Variants in RGS22 observed in about 807,000 individuals in gnomAD.
RGS22 encodes regulator of G-protein signaling 22.
RGS22 carries 148 observed loss-of-function variants against 172.9 expected under a neutral mutation model. The ratio of observed to expected loss-of-function variants is 0.86; its 90% CI spans 0.75 to 0.98. The LOEUF (loss-of-function observed/expected upper bound fraction) is 0.98. RGS22 is among the 50% of genes least tolerant of loss of function. The pLI is 0.00. For missense variants in RGS22, 1,347 were observed against 1,440.8 expected (o/e 0.93, Z 1.05); for synonymous variants, 458 against 480.2 (o/e 0.95, Z 0.60).
chr8:99,980,191 A>G (rs986866287), intron 22 of RGS22, among the ~76,000 whole-genome samples: 2 of 152,144 alleles, frequency 1.3e-5, no homozygotes, highest in African/African-American at 4.8e-5. Flanking sequence ...TGGCCTTCCA[A>G]AGTGCTGGGA....
intron 14 of RGS22, among the ~76,000 whole-genome samples, chr8:100,035,786 G>T (rs1485441434): frequency 1.3e-5 from 2 of 152,126 alleles, no homozygotes; most frequent in Non-Finnish European, 2.9e-5. Context: ...CCATAAAAAA[G>T]GATGAGTTCA....
intron 23 of RGS22, among the ~76,000 whole-genome samples, chr8:99,974,334 C>CAA (rs1417693043): frequency 1.3e-5 from 2 of 152,052 alleles, no homozygotes; most frequent in Non-Finnish European, 2.9e-5. Context: ...GCATAAGCAA[C>CAA]AGTGAGATAG....
intron 2 of RGS22, among the ~76,000 whole-genome samples, chr8:100,095,060 T>A (rs1216326113): frequency 6.6e-6 from 1 of 152,242 alleles, no homozygotes; most frequent in Non-Finnish European, 1.5e-5. Context: ...TGGACGTAAG[T>A]ATTGCCTAGA....
intron 3 of RGS22, among the ~76,000 whole-genome samples, chr8:100,081,362 G>GTATATA (rs71274952): frequency 0.24 from 33,775 of 143,224 alleles, 4,157 homozygotes; most frequent in East Asian, 0.4. Context: ...GTGCGTGTAT[G>GTATATA]TATATATATA....
chr8:100,077,811 C>T (rs1044428937), intron 4 of RGS22, among the ~76,000 whole-genome samples: 1 of 152,158 alleles, frequency 6.6e-6, no homozygotes, highest in Non-Finnish European at 1.5e-5. Context: ...ACTGAGAGAG[C>T]AGTGCTTTAG....
chr8:99,993,657 T>A (rs181965433), intron 20 of RGS22, among the ~76,000 whole-genome samples: 57 of 152,194 alleles, frequency 3.7e-4, no homozygotes, highest in African/African-American at 1.3e-3. Flanking sequence ...CAGGACAAGA[T>A]GGATTCACAG....
At position 100,070,383 on chromosome 8, in the gene RGS22, G is replaced by A. The variant is rs368568025; in HGVS notation, c.594+986C>T. Among the ~76,000 whole-genome samples the A allele has an allele frequency of 3.5e-3, 536 of 152,156 alleles. 2 individuals carry two copies. The highest frequency in any genetic ancestry group is 0.012 in the African/African-American group (484 of 41,534). On this transcript the variant is annotated intron_variant, in intron 6 of 27. Coordinates refer to ENST00000360863, the MANE Select transcript of RGS22 (RefSeq NM_015668.5). ...GATCTTTGAGTATGAAAAATATAACGAAAAAGCCTAATTTCAAAAAACTAT... is the reference window on the plus strand; with the variant it reads ...GATCTTTGAGTATGAAAAATATAACAAAAAAGCCTAATTTCAAAAAACTAT...
At chr8:100,021,559 T>A (rs182713052) in intron 14 of RGS22, among the ~76,000 whole-genome samples, 2 of 152,288 alleles carry the variant, frequency 1.3e-5, no homozygotes, top group East Asian at 3.9e-4. Flanking sequence ...TGGATCTTGA[T>A]TCAGTGTCTG....
At chr8:100,064,575 G>A (rs1021222384) in intron 7 of RGS22, among the ~76,000 whole-genome samples, 2 of 152,162 alleles carry the variant, frequency 1.3e-5, no homozygotes, top group African/African-American at 2.4e-5. Context: ...CCCTGGATTT[G>A]GAGGAAAAGA....
intron 2 of RGS22, among the ~76,000 whole-genome samples, chr8:100,101,358 C>T (rs550650275): frequency 4.6e-5 from 7 of 150,672 alleles, no homozygotes; most frequent in African/African-American, 1.7e-4. Context: ...GTGATCTCAG[C>T]TCGCTGCAAC....
At chr8:100,027,236 CA>C (rs1227050999) in intron 14 of RGS22, among the ~76,000 whole-genome samples, 15 of 145,000 alleles carry the variant, frequency 1.0e-4, no homozygotes, top group South Asian at 2.2e-4. Flanking sequence ...GACCTTGTCT[CA>C]AAAAAAAAAG....
intron 22 of RGS22, among the ~76,000 whole-genome samples, chr8:99,978,474 A>C (rs1169294942): frequency 6.6e-6 from 1 of 152,190 alleles, no homozygotes; most frequent in African/African-American, 2.4e-5. Context: ...TTCATCAAGG[A>C]AACTCCCTCC....
chr8:100,067,455 G>T (rs903701799), intron 6 of RGS22, among the ~76,000 whole-genome samples: 1 of 152,008 alleles, frequency 6.6e-6, no homozygotes, highest in African/African-American at 2.4e-5. Context: ...AATAGCCTAA[G>T]CAGGAGGCCA....
In RGS22 at chr8:100,069,195, T is replaced by C. The variant is rs567329852; in HGVS notation, c.594+2174A>G. 5.3e-5 allele frequency among the ~76,000 whole-genome samples: 8 copies of C among 152,340 alleles called. No homozygotes were observed. The South Asian group carries it at 1.7e-3, about 32-fold the overall frequency. ...AAAGAGGCTTCCTCTTGTATGATAA[T>C]TTTGATCAACTGAAAGTGCCTTATT... On this transcript the variant is annotated intron_variant, in intron 6 of 27. Transcript: ENST00000360863.
At chr8:100,105,772 C>T in intron 1 of RGS22, 125 bp downstream of exon 1, 1 of 860,438 alleles carries the variant, frequency 1.2e-6, no homozygotes. Context: ...CAGTGAAGCC[C>T]TTTTTTCTCA....
At chr8:100,058,225 C>A (rs1809811110) in intron 9 of RGS22, among the ~76,000 whole-genome samples, 2 of 149,152 alleles carry the variant, frequency 1.3e-5, no homozygotes, top group South Asian at 4.2e-4. Flanking sequence ...CTCAAAAGGG[C>A]AAATCTAAGA....
At chr8:100,084,311 C>T (rs900985393) in intron 3 of RGS22, among the ~76,000 whole-genome samples, 2 of 152,156 alleles carry the variant, frequency 1.3e-5, no homozygotes, top group East Asian at 1.9e-4. Flanking sequence ...TACAAAAATA[C>T]TTGAATTCTG....
intron 14 of RGS22, among the ~76,000 whole-genome samples, chr8:100,028,922 A>T (rs1818470844): frequency 6.6e-6 from 1 of 152,194 alleles, no homozygotes; most frequent in African/African-American, 2.4e-5. Flanking sequence ...TTTGTACGTG[A>T]TTACATGTAT....
At chr8:100,067,405 A>G (rs1410577285) in intron 6 of RGS22, among the ~76,000 whole-genome samples, 1 of 152,096 alleles carries the variant, frequency 6.6e-6, no homozygotes, top group African/African-American at 2.4e-5. Context: ...TTATACATTC[A>G]TCTAACATAT....
Sources: gnomAD v4.1 joint callset for allele counts (sites outside exome capture counted in the v4.1 genomes callset) on GRCh38, gnomAD v4.1.1 for gene constraint, MANE v1.5 for transcripts, NCBI Gene and HGNC (gene_info 2026-07-23, HGNC 2026-07-21) for gene names.